Variants in NCAM2 observed in about 807,000 individuals in gnomAD.
NCAM2 encodes N-CAM-2.
Under a neutral mutation model 98.1 loss-of-function variants are expected in NCAM2, and 30 were observed. The observed-to-expected ratio is 0.31, with a 90% CI of 0.23 to 0.41. The LOEUF (loss-of-function observed/expected upper bound fraction) is 0.41, where lower values mean the gene tolerates loss of function less well. NCAM2 is among the 10% of genes least tolerant of loss of function. NCAM2 has a pLI of 1.00. For synonymous variants in NCAM2, 368 were observed against 342.4 expected, an observed-to-expected ratio of 1.07 and a Z score of -0.83; for missense variants, 867 against 1,005.8, an observed-to-expected ratio of 0.86 and a Z score of 1.87.
intron 1 of NCAM2, among the ~76,000 whole-genome samples, chr21:21,087,952 C>T (rs1601330483): frequency 6.6e-6 from 1 of 152,120 alleles, no homozygotes; most frequent in East Asian, 1.9e-4. Context: ...TGCCTTTATC[C>T]ATACTATCTG....
At chr21:21,292,948 C>G (rs537881611) in intron 5 of NCAM2, among the ~76,000 whole-genome samples, 1 of 152,000 alleles carries the variant, frequency 6.6e-6, no homozygotes, top group African/African-American at 2.4e-5. Context: ...AAAGGCATGT[C>G]TTACATGACA....
intron 1 of NCAM2, among the ~76,000 whole-genome samples, chr21:21,041,097 A>C (rs1175223597): frequency 1.3e-5 from 2 of 152,206 alleles, no homozygotes; most frequent in Admixed American, 1.3e-4. Flanking sequence ...AAAGACTGAA[A>C]AACAACAACA....
intron 1 of NCAM2, among the ~76,000 whole-genome samples, chr21:21,136,951 T>A (rs1275282108): frequency 6.6e-6 from 1 of 152,140 alleles, no homozygotes; most frequent in Non-Finnish European, 1.5e-5. Flanking sequence ...TTAAGAATTG[T>A]TATTACTGCC....
chr21:21,293,686 T>C (rs1362654296), intron 5 of NCAM2, among the ~76,000 whole-genome samples: 1 of 151,896 alleles, frequency 6.6e-6, no homozygotes, highest in Non-Finnish European at 1.5e-5. Flanking sequence ...TATATCAATA[T>C]GTAACTCTTT....
At chr21:21,466,751 T>C in intron 13 of NCAM2, 26 bp downstream of exon 13, 2 of 1,582,224 alleles carry the variant, frequency 1.3e-6, no homozygotes, top group Non-Finnish European at 1.7e-6. Flanking sequence ...TATTTTTTAT[T>C]CTCTTTTGTC....
In NCAM2 at chr21:21,150,338, T is replaced by C. The variant is rs149805685; in HGVS notation, c.56-130240T>C. Among the ~76,000 whole-genome samples the C allele has an allele frequency of 7.2e-4, 110 of 152,244 alleles. 1 individual carries two copies. Among genetic ancestry groups the C allele is most frequent in the Middle Eastern group, 3.4e-3 (1 of 292 alleles). ...CCAAGATTTATACTTTTTTCTTTGTTTTCTTGCCTAGTCTGCTGCCTAGGG... is the reference window on the plus strand; with the variant it reads ...CCAAGATTTATACTTTTTTCTTTGTCTTCTTGCCTAGTCTGCTGCCTAGGG... On this transcript the variant is annotated intron_variant, in intron 1 of 17. Transcript: ENST00000400546.
In NCAM2 at chr21:21,245,461, T is replaced by C. The variant is rs1385266929; in HGVS notation, c.56-35117T>C. On this transcript the variant is annotated intron_variant, in intron 1 of 17. Transcript: ENST00000400546. ...CATCAGTTTTCGCTGTCCTTGGATG[T>C]ACATGGGAAGTTGTTTTCTCACACA... 2.0e-5 allele frequency among the ~76,000 whole-genome samples: 3 copies of C among 152,318 alleles called. No individual in the cohort carries two copies. In the East Asian group the frequency reaches 5.8e-4, roughly 29 times the overall value.
intron 1 of NCAM2, among the ~76,000 whole-genome samples, chr21:21,162,318 G>A (rs989890785): frequency 1.3e-4 from 20 of 150,154 alleles, no homozygotes; most frequent in Non-Finnish European, 2.2e-4. Context: ...CAACTCTACC[G>A]GCAAGTTAAG....
At chr21:21,048,443 C>T (rs1175821179) in intron 1 of NCAM2, among the ~76,000 whole-genome samples, 2 of 152,068 alleles carry the variant, frequency 1.3e-5, no homozygotes, top group African/African-American at 4.8e-5. Context: ...AGCTCTGCCT[C>T]CAGGGTTCAC....
intron 11 of NCAM2, among the ~76,000 whole-genome samples, chr21:21,426,474 A>T (rs2077216267): frequency 6.6e-6 from 1 of 152,190 alleles, no homozygotes; most frequent in Non-Finnish European, 1.5e-5. Context: ...GCTGGTTATG[A>T]AATCACTGGA....
At chr21:21,009,089 TAG>T (rs1038505905) in intron 1 of NCAM2, among the ~76,000 whole-genome samples, 13 of 152,102 alleles carry the variant, frequency 8.5e-5, no homozygotes, top group African/African-American at 3.1e-4. Context: ...ATAGAGAGAA[TAG>T]AGAGTTTTCT....
chr21:21,055,124 A>G (rs527505405), intron 1 of NCAM2, among the ~76,000 whole-genome samples: 23 of 152,160 alleles, frequency 1.5e-4, no homozygotes, highest in African/African-American at 5.1e-4. Context: ...TCTGTTAAGT[A>G]TTGGTATATT....
intron 9 of NCAM2, among the ~76,000 whole-genome samples, chr21:21,378,093 AT>A (rs1320650255): frequency 1.3e-5 from 2 of 151,928 alleles, no homozygotes; most frequent in Non-Finnish European, 2.9e-5. Context: ...ATTGGTGGAC[AT>A]TTAGGTTGAT....
intron 1 of NCAM2, among the ~76,000 whole-genome samples, chr21:21,261,506 C>A (rs2071898236): frequency 6.6e-6 from 1 of 151,946 alleles, no homozygotes. Flanking sequence ...TTTTGTCGGA[C>A]AACAGTGGAA....
chr21:21,175,251 G>A (rs2068245217), intron 1 of NCAM2, among the ~76,000 whole-genome samples: 1 of 151,778 alleles, frequency 6.6e-6, no homozygotes. Flanking sequence ...AACTAGGGTG[G>A]TGGCCGGGTA....
At chr21:21,136,812 C>T (rs1001255283) in intron 1 of NCAM2, among the ~76,000 whole-genome samples, 1 of 151,882 alleles carries the variant, frequency 6.6e-6, no homozygotes, top group African/African-American at 2.4e-5. Flanking sequence ...GCAATGAAAT[C>T]CTTCCGGTTG....
At chr21:21,062,576 A>T (rs1196937142) in intron 1 of NCAM2, among the ~76,000 whole-genome samples, 1 of 152,172 alleles carries the variant, frequency 6.6e-6, no homozygotes, top group Non-Finnish European at 1.5e-5. Context: ...CGATATCTTG[A>T]TCTCAGACTT....
intron 1 of NCAM2, among the ~76,000 whole-genome samples, chr21:21,089,177 A>T (rs2065964219): frequency 6.6e-6 from 1 of 152,208 alleles, no homozygotes; most frequent in Non-Finnish European, 1.5e-5. Context: ...CTTTGTAAGA[A>T]AATAGATTCT....
At chr21:21,402,727 G>C (rs2076659339) in intron 9 of NCAM2, among the ~76,000 whole-genome samples, 2 of 152,026 alleles carry the variant, frequency 1.3e-5, no homozygotes, top group South Asian at 4.2e-4. Flanking sequence ...ACCCCTAGTG[G>C]CCCAGCTGTA....
Sources: gnomAD v4.1 joint callset for allele counts (sites outside exome capture counted in the v4.1 genomes callset) on GRCh38, gnomAD v4.1.1 for gene constraint, MANE v1.5 for transcripts, NCBI Gene and HGNC (gene_info 2026-07-23, HGNC 2026-07-21) for gene names.